SYNE2: variants seen among roughly 807,000 people sequenced by gnomAD.
SYNE2 encodes nesprin-2.
A neutral mutation model predicts 856.3 loss-of-function variants in SYNE2; 431 were observed. The observed-to-expected ratio is 0.50, with a 90% confidence interval of 0.47 to 0.55. SYNE2 has a LOEUF of 0.55. SYNE2 is among the 20% of genes least tolerant of loss of function. SYNE2 has a pLI of 0.00. For synonymous variants in SYNE2, 2,923 were observed against 2,872.3 expected (o/e 1.02, Z -0.56); for missense variants, 8,129 against 8,023.2 (o/e 1.01, Z -0.50).
chr14:63,980,986 C>A lies in SYNE2; in HGVS notation c.1649C>A (p.Ala550Asp). 1 of 1,543,842 alleles carries A rather than the reference C, an allele frequency of 6.5e-7. No individual in the cohort carries two copies. Among genetic ancestry groups the A allele is most frequent in the Non-Finnish European group, 8.9e-7 (1 of 1,124,266 alleles). ...QKCGEIYKNLAGECQNINKQY... is the reference protein window; with the variant it reads ...QKCGEIYKNLDGECQNINKQY... The stretch of plus-strand genomic sequence containing the variant: ...CTTTTTTGTTTTGTTAATATTGTAG[C>A]TGGAGAATGTCAGAATATTAATAAA... Residue 550 changes from alanine (A) to aspartate (D), a missense_variant and splice_region_variant, in exon 16 of 116, where the codon GCT becomes GAT. This residue lies in a region of SYNE2 where 2,422 missense variants were observed against 2,357.4 expected (regional missense o/e 1.03). Transcript: ENST00000555002.
rs79502458 is a variant in SYNE2 at position 64,217,583 on chromosome 14, G to A, written c.19543-815G>A. Among the ~76,000 whole-genome samples the A allele has an allele frequency of 8.4e-3, 1,284 of 152,216 alleles. 14 individuals carry two copies. The highest frequency in any genetic ancestry group is 0.03 in the African/African-American group (1,237 of 41,512). ...ATTTTTAAAAAGAATAATAAGACAG[G>A]GGAAAGACCGCAGTCCCTGACCTCT... is the stretch of plus-strand genomic sequence containing the variant. On this transcript the variant is annotated intron_variant, in intron 108 of 115. Transcript: ENST00000555002.
Position 64,224,365 on chromosome 14 carries a change from A to G in SYNE2, c.20383-96A>G. ...GACTGTCTAAAACAAAACAAAACAAAAAAAGATTGATTTAAGGTAGGGGAG... is the reference window on the plus strand; with the variant it reads ...GACTGTCTAAAACAAAACAAAACAAGAAAAGATTGATTTAAGGTAGGGGAG... On this transcript the variant is annotated intron_variant, in intron 113 of 115. Coordinates refer to ENST00000555002, the MANE Select transcript of SYNE2 (RefSeq NM_182914.3). 2 of 1,152,712 alleles carry G rather than the reference A, an allele frequency of 1.7e-6. 1 individual carries two copies. Among genetic ancestry groups the G allele is most frequent in the South Asian group, 2.5e-5 (2 of 81,440 alleles). The allele number at this position is 1,152,712 out of a possible 1,614,324, so 71.4% of individuals were successfully genotyped here.
intron 1 of SYNE2, among the ~76,000 whole-genome samples, chr14:63,792,653 A>ATTTG (rs113620942): frequency 1.4e-3 from 111 of 81,340 alleles, no homozygotes; most frequent in African/African-American, 2.8e-3. Context: ...TGTTTTATTT[A>ATTTG]TTTGTTTGTT....
rs1594976323 is a variant in SYNE2 at position 64,030,065 on chromosome 14, A to G, written c.6879+6A>G. The G allele has an allele frequency of 6.2e-7, 1 of 1,613,906 alleles. No individual in the cohort carries two copies. Among genetic ancestry groups the G allele is most frequent in the East Asian group, 2.2e-5 (1 of 44,876 alleles). ...AAAAATTGCAGAAACTGCAGGTACT[A>G]AACGGTGTCCAGACATGATAGACAT... On this transcript the variant is annotated splice_donor_region_variant and intron_variant, in intron 44 of 115. Transcript: ENST00000555002.
chr14:64,215,980 C>T (rs2098664492), intron 107 of SYNE2: 5 of 1,393,902 alleles, frequency 3.6e-6, no homozygotes, highest in Admixed American at 2.5e-5. Flanking sequence ...GTGTCCCTAC[C>T]ACTCGAGACC....
At chr14:63,779,949 G>A (rs1373029703) in intron 1 of SYNE2, among the ~76,000 whole-genome samples, 1 of 151,980 alleles carries the variant, frequency 6.6e-6, no homozygotes, top group Non-Finnish European at 1.5e-5. Flanking sequence ...GAATACAGAT[G>A]GGAAATGAAT....
chr14:64,170,603 A>AC, intron 94 of SYNE2, 141 bp downstream of exon 94: 2 of 825,508 alleles, frequency 2.4e-6, no homozygotes, highest in South Asian at 2.9e-5. Flanking sequence ...AGGTGCAGTC[A>AC]CCACCCCCCA....
At chr14:63,793,171 C>T (rs192881430) in intron 1 of SYNE2, among the ~76,000 whole-genome samples, 101 of 152,276 alleles carry the variant, frequency 6.6e-4, no homozygotes, top group Middle Eastern at 3.4e-3. Context: ...GAGACTTCCT[C>T]TTGGCTCCCA....
In SYNE2 at chr14:64,078,594, A is replaced by G; in HGVS notation, c.11151A>G (p.Gln3717=). 4.3e-6 allele frequency: 7 copies of G among 1,614,060 alleles called. No homozygotes were observed. The highest frequency in any genetic ancestry group is 5.9e-6 in the Non-Finnish European group (7 of 1,179,956). Residue 3717 remains glutamine (Q), a synonymous_variant, in exon 55 of 116, where the codon CAA becomes CAG. Coordinates refer to ENST00000555002, the MANE Select transcript of SYNE2 (RefSeq NM_182914.3). ...AAAGCAAAAATATTGAGAAAGCTCA[A>G]GAAATTCAAAAGGTAAAATCCTCCT... ...QQKSKNIEKA[Q]EIQKKMWDEL... is the part of the protein sequence containing the mutation.
chr14:64,166,767 A>G (rs1219343400), intron 90 of SYNE2: 1 of 221,434 alleles, frequency 4.5e-6, no homozygotes, highest in Admixed American at 5.3e-5. Context: ...AACATGGTGA[A>G]ACTAAAAATA....
chr14:64,225,556 C>G lies in SYNE2; in HGVS notation c.*30C>G. On this transcript the variant is annotated 3_prime_UTR_variant, in exon 116 of 116. Coordinates refer to ENST00000555002, the MANE Select transcript of SYNE2 (RefSeq NM_182914.3). Reference sequence around the variant, plus strand: ...CATAGCTGGCCACAGTGCTACACCACCTGCCTGATTGCCAAGGGTGCCCAG... The same window carrying G: ...CATAGCTGGCCACAGTGCTACACCAGCTGCCTGATTGCCAAGGGTGCCCAG... 1.2e-6 allele frequency: 2 copies of G among 1,608,980 alleles called. No homozygotes were observed. The highest frequency in any genetic ancestry group is 1.7e-6 in the Non-Finnish European group (2 of 1,176,558).
intron 1 of SYNE2, among the ~76,000 whole-genome samples, chr14:63,763,202 A>C (rs535596510): frequency 1.8e-4 from 27 of 152,038 alleles, no homozygotes; most frequent in Non-Finnish European, 4.0e-4. Flanking sequence ...TCCTGACCTC[A>C]GGTGATCCGC....
intron 79 of SYNE2, among the ~76,000 whole-genome samples, chr14:64,138,905 ATGC>A (rs2098117018): frequency 7.0e-6 from 1 of 142,308 alleles, no homozygotes; most frequent in African/African-American, 2.8e-5. Flanking sequence ...GCTTATACAA[ATGC>A]TGGTTGTGTG....
intron 1 of SYNE2, among the ~76,000 whole-genome samples, chr14:63,769,544 G>A (rs767927333): frequency 5.9e-5 from 9 of 151,880 alleles, no homozygotes; most frequent in Admixed American, 2.0e-4. Context: ...GGCGGGCGCC[G>A]GTAGTCCCAG....
At chr14:64,056,293 T>C (rs1224889550) in intron 49 of SYNE2, 27 bp downstream of exon 49, 1 of 1,571,962 alleles carries the variant, frequency 6.4e-7, no homozygotes, top group Admixed American at 1.7e-5. Flanking sequence ...AGGTAATCTT[T>C]AAGAACATAA....
intron 88 of SYNE2, chr14:64,162,530 T>C (rs2098337437): frequency 1.9e-6 from 1 of 522,054 alleles, no homozygotes; most frequent in South Asian, 2.0e-5. Flanking sequence ...CTCTCTAGTG[T>C]TACATCTCTA....
chr14:64,062,491 A>G (rs1231283913), intron 49 of SYNE2, among the ~76,000 whole-genome samples: 3 of 152,194 alleles, frequency 2.0e-5, no homozygotes, highest in Admixed American at 6.5e-5. Context: ...ATTTTACTGA[A>G]GTGAACTTTA....
intron 41 of SYNE2, among the ~76,000 whole-genome samples, chr14:64,026,031 A>C (rs1428131445): frequency 2.0e-5 from 3 of 152,222 alleles, no homozygotes; most frequent in Admixed American, 1.3e-4. Flanking sequence ...CATTCATTGA[A>C]GCATTCTTAG....
At position 64,150,291 on chromosome 14, in the gene SYNE2, CAAA is replaced by C. The variant is rs773488742; in HGVS notation, c.15640-2245_15640-2243del. Among the ~76,000 whole-genome samples, 345 of 35,586 alleles carry C rather than the reference CAAA, an allele frequency of 9.7e-3. 1 individual carries two copies. The highest frequency in any genetic ancestry group is 0.028 in the African/African-American group (328 of 11,642). 23.3% of individuals were successfully genotyped at this position (35,586 alleles called of 152,430 possible). ...TGGGTGACAGAGCAAGATTCTCTCT[CAAA>C]AAAAAAAAAAAAAAAAAAAAAAAAA... On this transcript the variant is annotated intron_variant, in intron 84 of 115. Transcript: ENST00000555002.
Sources: allele counts gnomAD v4.1 joint callset (sites outside exome capture counted in the v4.1 genomes callset), GRCh38; gene constraint gnomAD v4.1.1; regional missense constraint gnomAD v4.1.1; transcripts MANE v1.5; gene names NCBI Gene and HGNC (gene_info 2026-07-23, HGNC 2026-07-21).